Variants in POT1 observed in about 807,000 individuals in gnomAD.
POT1 encodes the protein protection of telomeres protein 1.
Under a neutral mutation model 78.5 loss-of-function variants are expected in POT1, and 47 were observed. The observed-to-expected ratio is 0.60, with a 90% CI of 0.47 to 0.76. The LOEUF (loss-of-function observed/expected upper bound fraction) is 0.76. POT1 is among the 30% of genes least tolerant of loss of function. The pLI is 0.00. For synonymous variants in POT1, 259 were observed against 260.7 expected (o/e 0.99, Z 0.06); for missense variants, 646 against 749.9 (o/e 0.86, Z 1.62).
chr7:124,893,001 T>C (rs1168154468), intron 5 of POT1, among the ~76,000 whole-genome samples: 1 of 151,502 alleles, frequency 6.6e-6, no homozygotes, highest in African/African-American at 2.4e-5. Context: ...AACACTAGTC[T>C]TAACAATACA....
At chr7:124,842,322 TG>T (rs1272798072) in intron 13 of POT1, among the ~76,000 whole-genome samples, 1 of 151,976 alleles carries the variant, frequency 6.6e-6, no homozygotes, top group Non-Finnish European at 1.5e-5. Context: ...ATATAATCAC[TG>T]ATGTTCAGAG....
At chr7:124,923,130 C>G (rs768523058) in intron 2 of POT1, among the ~76,000 whole-genome samples, 8 of 149,692 alleles carry the variant, frequency 5.3e-5, no homozygotes, top group Non-Finnish European at 1.0e-4. Flanking sequence ...TATGATATCA[C>G]CAAAAGACCA....
rs868791818 is a variant in POT1 at position 124,897,234 on chromosome 7, C to T, written c.-39-22G>A. The T allele has an allele frequency of 1.6e-4, 186 of 1,199,308 alleles. 1 individual carries two copies. The Middle Eastern group carries it at 3.0e-3, about 19-fold the overall frequency. The allele number at this position is 1,199,308 out of a possible 1,614,324, so 74.3% of individuals were successfully genotyped here. A position where few individuals can be genotyped will look rare whatever the true frequency, so the allele number is the denominator to read the frequency against. On this transcript the variant is annotated intron_variant, in intron 4 of 18. Coordinates refer to ENST00000357628, the MANE Select transcript of POT1 (RefSeq NM_015450.3). ...AAACCTGAAGGAAAAAAAGAAAGAA[C>T]TTATTTGTATACAGATAACCTCCAA...
chr7:124,866,586 G>T (rs1050374333), intron 7 of POT1, among the ~76,000 whole-genome samples: 2 of 152,152 alleles, frequency 1.3e-5, no homozygotes, highest in African/African-American at 4.8e-5. Context: ...CTTCCTCTCT[G>T]GTTTCTTGTT....
At chr7:124,893,203 T>C (rs144338908) in intron 5 of POT1, among the ~76,000 whole-genome samples, 62 of 151,394 alleles carry the variant, frequency 4.1e-4, no homozygotes, top group Admixed American at 1.1e-3. Context: ...ATTTAAGAGA[T>C]TTTGGTTCTA....
At chr7:124,891,310 T>C (rs1662303780) in intron 6 of POT1, among the ~76,000 whole-genome samples, 1 of 151,772 alleles carries the variant, frequency 6.6e-6, no homozygotes, top group South Asian at 2.1e-4. Context: ...GTCTCTTTTG[T>C]CTGATGTAAG....
At chr7:124,833,800 A>C (rs1331514886) in intron 15 of POT1, among the ~76,000 whole-genome samples, 1 of 152,222 alleles carries the variant, frequency 6.6e-6, no homozygotes, top group African/African-American at 2.4e-5. Flanking sequence ...ATATATGCTT[A>C]TCAAAAGAAC....
Position 124,891,959 on chromosome 7 carries a change from G to A in POT1, c.124+307C>T, listed in dbSNP as rs567969521. Among the ~76,000 whole-genome samples the A allele has an allele frequency of 9.2e-5, 14 of 151,594 alleles. No homozygotes were observed. In the South Asian group the frequency reaches 2.7e-3, roughly 29 times the overall value. The stretch of plus-strand genomic sequence containing the variant: ...ATTTATGCATCAATGTTACAGAATT[G>A]CAGTATTCTGCATTTGTTTATATAT... On this transcript the variant is annotated intron_variant, in intron 6 of 18. Coordinates refer to ENST00000357628, the MANE Select transcript of POT1 (RefSeq NM_015450.3).
chr7:124,871,128 C>T (rs1795858544), intron 6 of POT1, 87 bp from the exon 7 acceptor site: 20 of 1,109,596 alleles, frequency 1.8e-5, no homozygotes, highest in Non-Finnish European at 2.5e-5. Context: ...AAACACCAAA[C>T]CTTATTCTTC....
chr7:124,855,843 T>C (rs546107457), intron 9 of POT1, among the ~76,000 whole-genome samples: 4 of 152,194 alleles, frequency 2.6e-5, no homozygotes, highest in East Asian at 1.9e-4. Context: ...TGTTGAACTA[T>C]TGAAGGCCAA....
intron 14 of POT1, 39 bp from the exon 15 acceptor site, chr7:124,835,453 T>C: frequency 6.3e-7 from 1 of 1,596,200 alleles, no homozygotes. Flanking sequence ...GTAGTGCAAA[T>C]AAAATGTAGA....
At chr7:124,899,671 T>C (rs1796573685) in intron 3 of POT1, among the ~76,000 whole-genome samples, 2 of 152,124 alleles carry the variant, frequency 1.3e-5, no homozygotes, top group South Asian at 4.1e-4. Flanking sequence ...AAGTTGTTTA[T>C]CAAACTAACA....
At chr7:124,827,446 T>A in intron 16 of POT1, 141 bp from the exon 17 acceptor site, 2 of 438,990 alleles carry the variant, frequency 4.6e-6, no homozygotes, top group Non-Finnish European at 8.0e-6. Context: ...AACTTGGCAT[T>A]ATCTCCAGGT....
chr7:124,839,800 G>A (rs749355437), intron 14 of POT1, among the ~76,000 whole-genome samples: 1 of 151,968 alleles, frequency 6.6e-6, no homozygotes, highest in African/African-American at 2.4e-5. Flanking sequence ...TTGCACCAGA[G>A]TGGTAAATTT....
chr7:124,920,667 T>A (rs199737954), intron 2 of POT1, among the ~76,000 whole-genome samples: 1 of 24,240 alleles, frequency 4.1e-5, no homozygotes, highest in African/African-American at 2.0e-4. Flanking sequence ...TACTTCAATC[T>A]TTTTTTTTAA....
intron 12 of POT1, 173 bp from the exon 13 acceptor site, chr7:124,843,136 C>A: frequency 2.2e-6 from 1 of 447,426 alleles, no homozygotes; most frequent in South Asian, 5.9e-5. Flanking sequence ...GGCCCACTAG[C>A]ATAGTGCCAG....
intron 6 of POT1, among the ~76,000 whole-genome samples, chr7:124,885,677 A>T (rs1040525247): frequency 6.6e-6 from 1 of 151,990 alleles, no homozygotes; most frequent in African/African-American, 2.4e-5. Context: ...GAGGCAGGAG[A>T]ATGGCGTGAA....
chr7:124,844,714 G>A (rs1346540106), intron 12 of POT1, among the ~76,000 whole-genome samples: 10 of 127,064 alleles, frequency 7.9e-5, no homozygotes, highest in African/African-American at 2.7e-4. Context: ...CAGCCTGGGC[G>A]ACAGCGAGAC....
At chr7:124,912,572 T>C (rs759558347) in intron 3 of POT1, among the ~76,000 whole-genome samples, 1 of 152,138 alleles carries the variant, frequency 6.6e-6, no homozygotes, top group Non-Finnish European at 1.5e-5. Flanking sequence ...AAAAGGTATA[T>C]ATTTACTTTT....
Sources: allele counts gnomAD v4.1 joint callset (sites outside exome capture counted in the v4.1 genomes callset), GRCh38; gene constraint gnomAD v4.1.1; transcripts MANE v1.5; gene names NCBI Gene and HGNC (gene_info 2026-07-23, HGNC 2026-07-21).